Variants in HADHB observed in about 807,000 individuals in gnomAD.
HADHB encodes the protein hydroxyacyl-CoA dehydrogenase trifunctional multienzyme complex subunit beta, also known as trifunctional enzyme subunit beta, mitochondrial.
HADHB carries 50 observed loss-of-function variants against 61.9 expected under a neutral mutation model. The observed-to-expected ratio is 0.81, with a 90% CI of 0.64 to 1.02. The LOEUF is 1.02. HADHB is among the 50% of genes least tolerant of loss of function. The probability of loss-of-function intolerance (pLI) is 0.00; values close to 1 mark genes in which losing one functional copy is unlikely to be tolerated. For synonymous variants in HADHB, 191 were observed against 201.6 expected (o/e 0.95, Z 0.45); for missense variants, 504 against 586.5 (o/e 0.86, Z 1.45).
At chr2:26,283,649 T>C (rs894137074) in intron 12 of HADHB, among the ~76,000 whole-genome samples, 3 of 152,246 alleles carry the variant, frequency 2.0e-5, no homozygotes, top group Non-Finnish European at 2.9e-5. Flanking sequence ...ACACAACTTA[T>C]ATTCTTTTTC....
intron 3 of HADHB, among the ~76,000 whole-genome samples, chr2:26,262,306 G>A (rs1160674779): frequency 6.6e-6 from 1 of 152,172 alleles, no homozygotes; most frequent in South Asian, 2.1e-4. Flanking sequence ...TAATGAACTA[G>A]ATTTTGATAT....
chr2:26,256,162 T>A (rs1340416123), intron 3 of HADHB, among the ~76,000 whole-genome samples: 1 of 152,218 alleles, frequency 6.6e-6, no homozygotes, highest in African/African-American at 2.4e-5. Flanking sequence ...ACAAGTAACT[T>A]GCATTAACGC....
At chr2:26,264,539 G>A (rs1214504528) in intron 4 of HADHB, among the ~76,000 whole-genome samples, 1 of 112,550 alleles carries the variant, frequency 8.9e-6, no homozygotes, top group African/African-American at 3.6e-5. Flanking sequence ...GGGTGACAGA[G>A]CAAGACTCCA....
chr2:26,289,003 C>T (rs1451262085), intron 15 of HADHB, among the ~76,000 whole-genome samples: 2 of 152,126 alleles, frequency 1.3e-5, no homozygotes, highest in Non-Finnish European at 2.9e-5. Flanking sequence ...TGTAATCCAG[C>T]ACTTTGGGAG....
chr2:26,268,002 T>C (rs567623236), intron 4 of HADHB, among the ~76,000 whole-genome samples: 1 of 151,978 alleles, frequency 6.6e-6, no homozygotes, highest in South Asian at 2.1e-4. Context: ...ATTAGCTGGG[T>C]GTGGTAGCAG....
At chr2:26,253,287 T>G (rs1182126319) in intron 1 of HADHB, among the ~76,000 whole-genome samples, 2 of 145,232 alleles carry the variant, frequency 1.4e-5, no homozygotes, top group African/African-American at 5.0e-5. Flanking sequence ...CAATACAGTA[T>G]CAAACTTTGA....
At chr2:26,277,294 G>C in intron 7 of HADHB, 134 bp downstream of exon 7, 1 of 583,834 alleles carries the variant, frequency 1.7e-6, no homozygotes, top group East Asian at 3.0e-5. Context: ...CTGGAGTGCA[G>C]TGGTACCATC....
Position 26,290,071 on chromosome 2 carries a change from G to A in HADHB, c.*118G>A, listed in dbSNP as rs1673202178. The A allele has an allele frequency of 6.2e-6, 5 of 802,210 alleles. No individual in the cohort carries two copies. Among genetic ancestry groups the A allele is most frequent in the Non-Finnish European group, 1.1e-5 (5 of 447,564 alleles). 49.7% of individuals were successfully genotyped at this position (802,210 alleles called of 1,614,324 possible). The stretch of plus-strand genomic sequence containing the variant: ...AGCTCCTCTTAGGAAAACAGTTCTT[G>A]TGGCCTTCTATTAAATAGTTTGCAC... On this transcript the variant is annotated 3_prime_UTR_variant, in exon 16 of 16. Transcript: ENST00000317799.
Position 26,279,974 on chromosome 2 carries a change from A to G in HADHB, c.812-20A>G. The G allele has an allele frequency of 1.3e-6, 2 of 1,593,620 alleles. No homozygotes were observed. The highest frequency in any genetic ancestry group is 1.7e-6 in the Non-Finnish European group (2 of 1,163,280). On this transcript the variant is annotated intron_variant, in intron 9 of 15. Coordinates refer to ENST00000317799, the MANE Select transcript of HADHB (RefSeq NM_000183.3). ...AGGCTTGTGGTTCCATAGAGTTAAA[A>G]AAATTCATTTTTTTAATAGGAAAAG...
intron 4 of HADHB, among the ~76,000 whole-genome samples, chr2:26,266,386 A>G (rs1248802339): frequency 6.6e-6 from 1 of 152,214 alleles, no homozygotes; most frequent in Non-Finnish European, 1.5e-5. Flanking sequence ...GTAATAGAAG[A>G]TCATTTTCTA....
At chr2:26,264,629 GTGTGTGTA>G (rs1359515583) in intron 4 of HADHB, among the ~76,000 whole-genome samples, 3 of 149,986 alleles carry the variant, frequency 2.0e-5, no homozygotes, top group Admixed American at 1.3e-4. Context: ...ATACACATGT[GTGTGTGTA>G]TGTGTGTATA....
At chr2:26,257,225 A>G (rs571022728) in intron 3 of HADHB, among the ~76,000 whole-genome samples, 156 of 149,252 alleles carry the variant, frequency 1.0e-3, no homozygotes, top group African/African-American at 3.8e-3. Flanking sequence ...GGTTCATGCC[A>G]TTCTCCTGCC....
intron 10 of HADHB, among the ~76,000 whole-genome samples, chr2:26,282,485 C>CACCTGCCTCATGATCT (rs1481149562): frequency 9.2e-5 from 14 of 152,006 alleles, no homozygotes; most frequent in Non-Finnish European, 2.1e-4. Context: ...TGGTCTCAAT[C>CACCTGCCTCATGATCT]ACCTGCCTCA....
In HADHB at chr2:26,278,754, C is replaced by G; in HGVS notation, c.583C>G (p.Arg195Gly). The change falls in exon 8 of 16, where the codon CGA becomes GGA. Residue 195 changes from arginine to glycine, a missense_variant. Physicochemically the swap from Arg to Gly is moderately radical, Grantham distance 125. Transcript: ENST00000317799. ...DLNKAKSMGQ[R>G]LSLISKFRFN... ...CAATAAGGCCAAATCTATGGGCCAG[C>G]GACTGTCTTTAATCTCTAAATTCCG... 1 of 1,613,990 alleles carries G rather than the reference C, an allele frequency of 6.2e-7. No homozygotes were observed.
At chr2:26,281,398 A>G (rs562184880) in intron 10 of HADHB, among the ~76,000 whole-genome samples, 25 of 152,278 alleles carry the variant, frequency 1.6e-4, no homozygotes, top group Non-Finnish European at 2.5e-4. Flanking sequence ...TGCTCTTGAT[A>G]GGCTAGGGGA....
chr2:26,245,006 C>T lies in HADHB; in HGVS notation c.-9+16C>T, dbSNP rs1671064153. ...GTCAGCCAAGGTGAGACGGCGAGCC[C>T]TCAGCTCTCCGCCCGGGCTTTCCCA... On this transcript the variant is annotated intron_variant, in intron 1 of 15. Coordinates refer to ENST00000317799, the MANE Select transcript of HADHB (RefSeq NM_000183.3). 4 of 231,790 alleles carry T rather than the reference C, an allele frequency of 1.7e-5. No homozygotes were observed. Among genetic ancestry groups the T allele is most frequent in the Non-Finnish European group, 2.7e-5 (3 of 112,042 alleles). 14.4% of individuals were successfully genotyped at this position (231,790 alleles called of 1,614,324 possible).
intron 5 of HADHB, among the ~76,000 whole-genome samples, chr2:26,270,777 T>G (rs750891194): frequency 2.0e-5 from 3 of 152,158 alleles, no homozygotes; most frequent in Non-Finnish European, 4.4e-5. Context: ...TTTATAGCAC[T>G]TGACACTGTA....
intron 3 of HADHB, among the ~76,000 whole-genome samples, chr2:26,262,922 A>T (rs888420672): frequency 3.2e-4 from 48 of 151,692 alleles, no homozygotes; most frequent in African/African-American, 7.3e-4. Flanking sequence ...GCCTTTTTTT[A>T]AAAAAAAATT....
intron 6 of HADHB, among the ~76,000 whole-genome samples, chr2:26,275,475 C>T (rs1435735249): frequency 6.6e-6 from 1 of 152,178 alleles, no homozygotes; most frequent in Non-Finnish European, 1.5e-5. Context: ...CACCAATAGC[C>T]ACCTCTATTT....
Sources: allele counts gnomAD v4.1 joint callset (sites outside exome capture counted in the v4.1 genomes callset), GRCh38; gene constraint gnomAD v4.1.1; transcripts MANE v1.5; gene names NCBI Gene and HGNC (gene_info 2026-07-23, HGNC 2026-07-21).